Variants in MTAP observed in about 807,000 individuals in gnomAD.
MTAP encodes the protein methylthioadenosine phosphorylase, also known as S-methyl-5'-thioadenosine phosphorylase.
MTAP carries 33 observed loss-of-function variants against 33.6 expected under a neutral mutation model. That is an observed-to-expected ratio of 0.98 (90% CI 0.74 to 1.31). MTAP has a LOEUF of 1.31. MTAP is among the 40% of genes most tolerant of loss of function. MTAP has a pLI of 0.00. For missense variants in MTAP, 367 were observed against 360.0 expected (o/e 1.02, Z -0.16); for synonymous variants, 148 against 125.7 (o/e 1.18, Z -1.19).
At chr9:21,885,135 A>T (rs1030314077) in intron 1 of MTAP, among the ~76,000 whole-genome samples, 4 of 152,158 alleles carry the variant, frequency 2.6e-5, no homozygotes, top group Admixed American at 6.5e-5. Flanking sequence ...TTTTCTGTCT[A>T]TATGTGTTAC....
At chr9:21,940,581 AG>A (rs1279806641), downstream of MTAP, among the ~76,000 whole-genome samples, 2 of 152,100 alleles carry the variant, frequency 1.3e-5, no homozygotes, top group Non-Finnish European at 2.9e-5. Context: ...TACAAATTTG[AG>A]GGTTCCCTTG....
chr9:21,861,671 GT>G, intron 7 of MTAP: 1 of 382,000 alleles, frequency 2.6e-6, no homozygotes, highest in South Asian at 3.3e-5. Flanking sequence ...AGGGATAGAG[GT>G]TGCATAAACA....
chr9:21,813,580 C>A (rs368396988), intron 1 of MTAP, among the ~76,000 whole-genome samples: 72 of 152,172 alleles, frequency 4.7e-4, no homozygotes, highest in African/African-American at 1.7e-3. Context: ...CAAACAAAGC[C>A]CAACTCGATT....
At chr9:21,925,640 G>C (rs1818858141) in intron 1 of MTAP, among the ~76,000 whole-genome samples, 1 of 152,154 alleles carries the variant, frequency 6.6e-6, no homozygotes, top group Non-Finnish European at 1.5e-5. Context: ...TCCCTACATG[G>C]CTTGCCCTTT....
In MTAP at chr9:21,818,039, G is replaced by A. The variant is rs1369753958; in HGVS notation, c.184G>A (p.Gly62Arg). 3 of 1,609,872 alleles carry A rather than the reference G, an allele frequency of 1.9e-6. No individual in the cohort carries two copies. The highest frequency in any genetic ancestry group is 2.5e-6 in the Non-Finnish European group (3 of 1,178,492). Residue 62 changes from glycine (G) to arginine (R), a missense_variant, in exon 4 of 8, where the codon GGA (glycine) becomes AGA (arginine). By Grantham distance (125) the Gly-to-Arg change is moderately radical. Coordinates refer to ENST00000644715, the MANE Select transcript of MTAP (RefSeq NM_002451.4). ...ATTTCTTCTCTCCTTCCATAGGCAT[G>A]GAAGGCAGCACACCATCATGCCTTC... ...NVDCVLLARHGRQHTIMPSKV... is the reference protein window; with the variant it reads ...NVDCVLLARHRRQHTIMPSKV...
At position 21,859,352 on chromosome 9, in the gene MTAP, C is replaced by T; in HGVS notation, c.740C>T (p.Ala247Val). ...LKTLKENANK[A>V]KSLLLTTIPQ... ...ACCCTGAAAGAAAACGCTAATAAAG[C>T]CAAAAGCTTACTGCTCACTACCATA... Residue 247 changes from alanine (A) to valine (V), a missense_variant, in exon 7 of 8, where the codon GCC becomes GTC. Transcript: ENST00000644715. 2 of 1,613,464 alleles carry T rather than the reference C, an allele frequency of 1.2e-6. No individual in the cohort carries two copies. The highest frequency in any genetic ancestry group is 1.7e-6 in the Non-Finnish European group (2 of 1,179,686).
chr9:21,840,565 A>T (rs939474270), intron 5 of MTAP, among the ~76,000 whole-genome samples: 1 of 152,234 alleles, frequency 6.6e-6, no homozygotes, highest in African/African-American at 2.4e-5. Flanking sequence ...TGAAAGTAGA[A>T]GTAGCAACAG....
At chr9:21,859,260 GAATTTT>G (rs1342320209) in intron 6 of MTAP, 37 bp from the exon 7 acceptor site, 1 of 1,569,734 alleles carries the variant, frequency 6.4e-7, no homozygotes, top group African/African-American at 1.4e-5. Flanking sequence ...ACAAGCAGTG[GAATTTT>G]AAGTTCTAGT....
chr9:21,838,076 T>C, intron 5 of MTAP, 66 bp downstream of exon 5: 8 of 1,377,994 alleles, frequency 5.8e-6, no homozygotes, highest in Non-Finnish European at 8.2e-6. Flanking sequence ...ATCTGGCATT[T>C]GGTTAATTGG....
Position 21,863,271 on chromosome 9 carries a change from AAGCTTGCT to A in MTAP, c.*1258_*1265del. On this transcript the variant is annotated 3_prime_UTR_variant, in exon 8 of 8. Coordinates refer to ENST00000644715, the MANE Select transcript of MTAP (RefSeq NM_002451.4). ...TAATTTTTGCTTTTTAATAAAGTGGAAGCTTGCTTTTTTAACTCTTTTTTTATTGTTAT... is the reference window on the plus strand; with the variant it reads ...TAATTTTTGCTTTTTAATAAAGTGGATTTTTAACTCTTTTTTTATTGTTAT... 2 of 983,666 alleles carry A rather than the reference AAGCTTGCT, an allele frequency of 2.0e-6. No homozygotes were observed. Among genetic ancestry groups the A allele is most frequent in the Non-Finnish European group, 2.4e-6 (2 of 828,392 alleles). The allele number at this position is 983,666 out of a possible 1,614,324, so 60.9% of individuals were successfully genotyped here. A position where few individuals can be genotyped will look rare whatever the true frequency, so the allele number is the denominator to read the frequency against.
At chr9:21,807,163 C>G (rs1460717572) in intron 1 of MTAP, among the ~76,000 whole-genome samples, 1 of 152,088 alleles carries the variant, frequency 6.6e-6, no homozygotes. Flanking sequence ...GATCCTGTCT[C>G]AAAATAATAA....
intron 4 of MTAP, among the ~76,000 whole-genome samples, chr9:21,830,667 G>A (rs1824943920): frequency 1.3e-5 from 2 of 152,086 alleles, no homozygotes; most frequent in Admixed American, 1.3e-4. Context: ...CTCTCCTATG[G>A]TACACACCCT....
intron 1 of MTAP, among the ~76,000 whole-genome samples, chr9:21,813,112 C>A (rs545828857): frequency 6.6e-6 from 1 of 152,270 alleles, no homozygotes; most frequent in South Asian, 2.1e-4. Flanking sequence ...TAGAATTGGG[C>A]CATCAGTGCT....
At chr9:21,813,019 A>G (rs1325952053) in intron 1 of MTAP, among the ~76,000 whole-genome samples, 2 of 152,260 alleles carry the variant, frequency 1.3e-5, no homozygotes, top group African/African-American at 4.8e-5. Flanking sequence ...AGTGCCTTTA[A>G]CATGTAAGTC....
chr9:21,902,156 C>A (rs768123716), intron 1 of MTAP, among the ~76,000 whole-genome samples: 1 of 152,156 alleles, frequency 6.6e-6, no homozygotes, highest in Non-Finnish European at 1.5e-5. Flanking sequence ...AGTAGAGGCT[C>A]AAGGCTAAGC....
intron 6 of MTAP, 134 bp from the exon 7 acceptor site, chr9:21,859,169 G>A (rs1463062937): frequency 7.6e-7 from 1 of 1,314,654 alleles, no homozygotes; most frequent in African/African-American, 1.5e-5. Context: ...CTACATTGAG[G>A]ATTCGGTTTC....
downstream of MTAP, among the ~76,000 whole-genome samples, chr9:21,868,416 T>C (rs928457363): frequency 6.6e-6 from 1 of 152,142 alleles, no homozygotes; most frequent in Non-Finnish European, 1.5e-5. Context: ...CTTAAATGGG[T>C]TAAGTATATC....
At chr9:21,811,900 C>T (rs1272092821) in intron 1 of MTAP, 3 of 377,056 alleles carry the variant, frequency 8.0e-6, no homozygotes, top group Non-Finnish European at 1.6e-5. Flanking sequence ...TCACACACAG[C>T]TGTTTTTATA....
chr9:21,819,355 T>G (rs909763124), intron 4 of MTAP, among the ~76,000 whole-genome samples: 1 of 152,192 alleles, frequency 6.6e-6, no homozygotes, highest in African/African-American at 2.4e-5. Context: ...GTGTTCTCAT[T>G]GTTCAGTTCC....
Sources: gnomAD v4.1 joint callset for allele counts (sites outside exome capture counted in the v4.1 genomes callset) on GRCh38, gnomAD v4.1.1 for gene constraint, MANE v1.5 for transcripts, NCBI Gene and HGNC (gene_info 2026-07-23, HGNC 2026-07-21) for gene names.